ROR2: variants seen among roughly 807,000 people sequenced by gnomAD.
ROR2 encodes tyrosine-protein kinase transmembrane receptor ROR2.
Under a neutral mutation model 74.9 loss-of-function variants are expected in ROR2, and 33 were observed. That is an observed-to-expected ratio of 0.44 (90% CI 0.33 to 0.59). ROR2 has a LOEUF of 0.59. Among genes scored for constraint, ROR2 ranks in the 20% least tolerant of loss-of-function variants. ROR2 has a pLI of 0.02. For synonymous variants in ROR2, 586 were observed against 558.7 expected (o/e 1.05, Z -0.69); for missense variants, 1,216 against 1,313.8 (o/e 0.93, Z 1.15).
At position 91,753,697 on chromosome 9, in the gene ROR2, CAT is replaced by C. The variant is rs545981150; in HGVS notation, c.494+2372_494+2373del. 1.7e-3 allele frequency among the ~76,000 whole-genome samples: 261 copies of C among 152,222 alleles called. 1 individual carries two copies. The highest frequency in any genetic ancestry group is 5.9e-3 in the African/African-American group (246 of 41,520). On this transcript the variant is annotated intron_variant, in intron 4 of 8. Coordinates refer to ENST00000375708, the MANE Select transcript of ROR2 (RefSeq NM_004560.4). ...CAATGGAACAGTCACATGCTCTGCA[CAT>C]GAGTCCAGAAACAGGGAAAGAGAGC...
chr9:91,906,484 G>A (rs113235806), intron 1 of ROR2, among the ~76,000 whole-genome samples: 52 of 152,304 alleles, frequency 3.4e-4, no homozygotes, highest in South Asian at 1.0e-3. Context: ...ACTGCAGGTA[G>A]AGTCTTAGCT....
intron 2 of ROR2, among the ~76,000 whole-genome samples, chr9:91,767,218 G>A (rs1398510286): frequency 1.3e-5 from 2 of 152,060 alleles, no homozygotes; most frequent in Non-Finnish European, 2.9e-5. Flanking sequence ...GGGATTATAG[G>A]CATGCACCAC....
At chr9:91,811,331 G>C (rs1388293652) in intron 1 of ROR2, among the ~76,000 whole-genome samples, 1 of 152,252 alleles carries the variant, frequency 6.6e-6, no homozygotes, top group Admixed American at 6.5e-5. Flanking sequence ...CCTTTTGTGT[G>C]GCCGGGGGTG....
intron 4 of ROR2, among the ~76,000 whole-genome samples, chr9:91,738,715 C>T (rs565808613): frequency 3.9e-5 from 6 of 152,242 alleles, no homozygotes; most frequent in Non-Finnish European, 5.9e-5. Flanking sequence ...GCCTACTCTA[C>T]GCAGAAGTGC....
At chr9:91,922,668 T>C (rs1300241877) in intron 1 of ROR2, among the ~76,000 whole-genome samples, 1 of 152,174 alleles carries the variant, frequency 6.6e-6, no homozygotes, top group Non-Finnish European at 1.5e-5. Context: ...TTAGTCAGGA[T>C]GGTCTCGATC....
chr9:91,824,565 T>G (rs574656670), intron 1 of ROR2, among the ~76,000 whole-genome samples: 2 of 152,078 alleles, frequency 1.3e-5, no homozygotes, highest in African/African-American at 4.8e-5. Flanking sequence ...TCACCAAAAA[T>G]GTAGTAGGAA....
intron 2 of ROR2, among the ~76,000 whole-genome samples, chr9:91,758,137 G>A (rs1825817647): frequency 6.6e-6 from 1 of 152,196 alleles, no homozygotes; most frequent in Non-Finnish European, 1.5e-5. Context: ...AGAAACCAGG[G>A]AGCAGACCAT....
chr9:91,875,239 TGAA>T (rs946032051), intron 1 of ROR2, among the ~76,000 whole-genome samples: 8 of 152,196 alleles, frequency 5.3e-5, no homozygotes, highest in African/African-American at 9.7e-5. Context: ...CACATTTTTG[TGAA>T]GAAGAATTGT....
chr9:91,825,768 G>GGAT (rs1337413904), intron 1 of ROR2, among the ~76,000 whole-genome samples: 3 of 152,246 alleles, frequency 2.0e-5, no homozygotes, highest in African/African-American at 7.2e-5. Context: ...GGGGAGGGTA[G>GGAT]GATGGACTGT....
chr9:91,734,462 T>C (rs1407023657), intron 5 of ROR2, among the ~76,000 whole-genome samples: 2 of 152,204 alleles, frequency 1.3e-5, no homozygotes, highest in African/African-American at 4.8e-5. Context: ...CATTACAGAT[T>C]TGGCGATTAT....
At chr9:91,885,930 A>G (rs1830256533) in intron 1 of ROR2, among the ~76,000 whole-genome samples, 1 of 148,630 alleles carries the variant, frequency 6.7e-6, no homozygotes, top group Non-Finnish European at 1.5e-5. Context: ...CTGGAGAACA[A>G]TGTCGCAATC....
chr9:91,934,647 T>C (rs1037633002), intron 1 of ROR2, among the ~76,000 whole-genome samples: 14 of 152,140 alleles, frequency 9.2e-5, no homozygotes, highest in South Asian at 2.1e-4. Context: ...TAGGGCCCCA[T>C]AGAAATGTGT....
At chr9:91,829,094 T>C (rs1828376265) in intron 1 of ROR2, among the ~76,000 whole-genome samples, 1 of 152,194 alleles carries the variant, frequency 6.6e-6, no homozygotes, top group Non-Finnish European at 1.5e-5. Flanking sequence ...AAGGTATAAC[T>C]TAAATATATG....
At chr9:91,812,772 G>A (rs1399514614) in intron 1 of ROR2, among the ~76,000 whole-genome samples, 1 of 151,942 alleles carries the variant, frequency 6.6e-6, no homozygotes, top group Non-Finnish European at 1.5e-5. Context: ...TTCCCACTTT[G>A]GCCAAAAAAT....
intron 2 of ROR2, among the ~76,000 whole-genome samples, chr9:91,773,354 CGTGCTTCACA>C (rs138290953): frequency 0.02 from 3,110 of 152,254 alleles, 62 homozygotes; most frequent in Middle Eastern, 0.034. Flanking sequence ...CTCCTCAAAC[CGTGCTTCACA>C]GCTGCCGTGT....
chr9:91,737,602 C>G (rs757165901), intron 4 of ROR2, 84 bp from the exon 5 acceptor site: 16 of 1,590,972 alleles, frequency 1.0e-5, no homozygotes, highest in Admixed American at 6.7e-5. Context: ...CAGCATCTTG[C>G]GATCCAGCAA....
chr9:91,855,502 A>G (rs563305741), intron 1 of ROR2, among the ~76,000 whole-genome samples: 1 of 152,296 alleles, frequency 6.6e-6, no homozygotes, highest in Admixed American at 6.5e-5. Flanking sequence ...CATCTCCCAC[A>G]GCACTGGAAC....
chr9:91,732,781 G>A (rs1358090706), intron 6 of ROR2, among the ~76,000 whole-genome samples: 3 of 152,160 alleles, frequency 2.0e-5, no homozygotes, highest in Non-Finnish European at 4.4e-5. Context: ...TCTCATGCCC[G>A]CAACAGCCAT....
intron 1 of ROR2, among the ~76,000 whole-genome samples, chr9:91,826,154 C>A (rs1396508330): frequency 6.6e-6 from 1 of 152,166 alleles, no homozygotes; most frequent in Non-Finnish European, 1.5e-5. Flanking sequence ...TCCCAAGAAG[C>A]GTGACTACCA....
Sources: allele counts gnomAD v4.1 joint callset (sites outside exome capture counted in the v4.1 genomes callset), GRCh38; gene constraint gnomAD v4.1.1; transcripts MANE v1.5; gene names NCBI Gene and HGNC (gene_info 2026-07-23, HGNC 2026-07-21).